The following PLXNA2 variants were observed in gnomAD, a reference collection of about 807,000 sequenced individuals.
PLXNA2 encodes the protein plexin-A2.
A neutral mutation model predicts 193.5 loss-of-function variants in PLXNA2; 91 were observed. That is an observed-to-expected ratio of 0.47 (90% CI 0.40 to 0.56). PLXNA2 has a LOEUF of 0.56. Ranked by LOEUF, PLXNA2 falls within the 20% of genes least tolerant of loss-of-function variation. The pLI, the probability that PLXNA2 is intolerant of heterozygous loss-of-function variation, is 0.00. For synonymous variants in PLXNA2, 997 were observed against 1,027.3 expected, an observed-to-expected ratio of 0.97 and a Z score of 0.56; for missense variants, 1,995 against 2,503.2, an observed-to-expected ratio of 0.80 and a Z score of 4.33.
At chr1:208,079,104 G>A (rs562554323) in intron 12 of PLXNA2, among the ~76,000 whole-genome samples, 156 bp downstream of exon 12, 3 of 152,144 alleles carry the variant, frequency 2.0e-5, no homozygotes, top group Non-Finnish European at 2.9e-5. Context: ...GACAGGGGCC[G>A]TTAAGACACA....
At chr1:208,142,218 G>A in intron 4 of PLXNA2, 111 bp downstream of exon 4, 1 of 1,229,698 alleles carries the variant, frequency 8.1e-7, no homozygotes, top group Non-Finnish European at 1.1e-6. Flanking sequence ...AGACCCCTGT[G>A]CTGCAAGCCC....
intron 28 of PLXNA2, among the ~76,000 whole-genome samples, chr1:208,033,062 T>C (rs1360231390): frequency 6.6e-6 from 1 of 151,898 alleles, no homozygotes; most frequent in Non-Finnish European, 1.5e-5. Flanking sequence ...TTGTCCTCTT[T>C]TTTTTTTTTC....
intron 12 of PLXNA2, among the ~76,000 whole-genome samples, chr1:208,067,237 G>A (rs538935943): frequency 4.6e-5 from 7 of 151,924 alleles, no homozygotes; most frequent in Non-Finnish European, 7.4e-5. Context: ...CCAGCTACTC[G>A]GGAGGCTGAG....
intron 1 of PLXNA2, among the ~76,000 whole-genome samples, chr1:208,234,257 C>G (rs1671781460): frequency 6.6e-6 from 1 of 152,080 alleles, no homozygotes; most frequent in African/African-American, 2.4e-5. Flanking sequence ...ACTGTGTGGG[C>G]CCGGGTAAAA....
At chr1:208,199,862 T>C (rs931068069) in intron 3 of PLXNA2, among the ~76,000 whole-genome samples, 4 of 152,160 alleles carry the variant, frequency 2.6e-5, no homozygotes, top group East Asian at 1.9e-4. Flanking sequence ...AATAGAACAA[T>C]ACGCATCTTA....
intron 3 of PLXNA2, among the ~76,000 whole-genome samples, chr1:208,198,755 C>A (rs145782217): frequency 2.0e-5 from 3 of 152,260 alleles, no homozygotes; most frequent in African/African-American, 7.2e-5. Context: ...GTAGTCTACA[C>A]GTGGACATAT....
intron 10 of PLXNA2, 77 bp downstream of exon 10, chr1:208,084,303 G>T: frequency 6.8e-7 from 1 of 1,477,994 alleles, no homozygotes; most frequent in Non-Finnish European, 9.4e-7. Flanking sequence ...GGAAGCCAGG[G>T]CTGGCCATAC....
intron 3 of PLXNA2, among the ~76,000 whole-genome samples, chr1:208,178,134 A>G (rs1389333926): frequency 6.6e-6 from 1 of 152,048 alleles, no homozygotes; most frequent in Non-Finnish European, 1.5e-5. Context: ...TATCCTACCG[A>G]GAGGAGAAAA....
At chr1:208,169,622 G>A (rs756927175) in intron 3 of PLXNA2, among the ~76,000 whole-genome samples, 3 of 152,164 alleles carry the variant, frequency 2.0e-5, no homozygotes, top group Non-Finnish European at 2.9e-5. Context: ...AAGTCACACT[G>A]GGGTCCACAG....
intron 16 of PLXNA2, 36 bp from the exon 17 acceptor site, chr1:208,051,138 C>T (rs919600193): frequency 1.9e-6 from 3 of 1,600,844 alleles, no homozygotes; most frequent in African/African-American, 2.7e-5. Flanking sequence ...GGTAAAAAAC[C>T]CCCTCAAATC....
chr1:208,140,579 A>G (rs557633553), intron 4 of PLXNA2, among the ~76,000 whole-genome samples: 2 of 152,256 alleles, frequency 1.3e-5, no homozygotes, highest in African/African-American at 4.8e-5. Flanking sequence ...TCATCTATCT[A>G]CCTGTCCTTT....
At chr1:208,121,075 A>G (rs769092552) in intron 4 of PLXNA2, among the ~76,000 whole-genome samples, 8 of 152,164 alleles carry the variant, frequency 5.3e-5, no homozygotes, top group Non-Finnish European at 1.2e-4. Context: ...GAAAAAGTAA[A>G]ACAAATCTAA....
intron 12 of PLXNA2, among the ~76,000 whole-genome samples, chr1:208,071,015 C>T (rs1001034467): frequency 3.3e-5 from 5 of 152,104 alleles, no homozygotes; most frequent in South Asian, 2.1e-4. Flanking sequence ...CAGGCTGACT[C>T]GAGGAGGGGA....
intron 3 of PLXNA2, among the ~76,000 whole-genome samples, chr1:208,186,713 A>AGTTTTTTGTTTTTTT (rs1670012340): frequency 7.6e-6 from 1 of 130,888 alleles, no homozygotes. Flanking sequence ...ATGTTATTTT[A>AGTTTTTTGTTTTTTT]TTTTTTTTTT....
rs569852977 is a variant in PLXNA2, at chr1:208,133,405, T to C, written c.1506+8924A>G. ...ACAAAAGCATACGTAATAGTGCTAT[T>C]GTTGCATTGAAAACAGCAAAAAGAA... is the stretch of plus-strand genomic sequence containing the variant. On this transcript the variant is annotated intron_variant, in intron 4 of 31. Transcript: ENST00000367033. Among the ~76,000 whole-genome samples, 4 of 152,342 alleles carry C rather than the reference T, an allele frequency of 2.6e-5. 1 individual carries two copies. The South Asian group carries it at 8.3e-4, about 32-fold the overall frequency.
At chr1:208,095,784 T>C (rs1180511767) in intron 8 of PLXNA2, among the ~76,000 whole-genome samples, 1 of 152,074 alleles carries the variant, frequency 6.6e-6, no homozygotes, top group Non-Finnish European at 1.5e-5. Flanking sequence ...GGCCTGAGAG[T>C]TGGGGGTTAG....
chr1:208,099,690 C>T (rs2102413308), intron 5 of PLXNA2, among the ~76,000 whole-genome samples: 1 of 152,258 alleles, frequency 6.6e-6, no homozygotes, highest in South Asian at 2.1e-4. Flanking sequence ...CCTGTCCCAG[C>T]CTCCTGAGTA....
intron 4 of PLXNA2, among the ~76,000 whole-genome samples, chr1:208,128,208 A>T (rs1668031537): frequency 6.6e-6 from 1 of 152,242 alleles, no homozygotes; most frequent in Non-Finnish European, 1.5e-5. Context: ...ATGAGCCTCC[A>T]CAGTTATCTG....
At chr1:208,159,139 A>C (rs932472331) in intron 3 of PLXNA2, among the ~76,000 whole-genome samples, 2 of 152,180 alleles carry the variant, frequency 1.3e-5, no homozygotes, top group Non-Finnish European at 2.9e-5. Flanking sequence ...AAATGCCAGG[A>C]AAATGGGGAA....
Sources: allele counts gnomAD v4.1 joint callset (sites outside exome capture counted in the v4.1 genomes callset), GRCh38; gene constraint gnomAD v4.1.1; transcripts MANE v1.5; gene names NCBI Gene and HGNC (gene_info 2026-07-23, HGNC 2026-07-21).